DCC: variants seen among roughly 807,000 people sequenced by gnomAD.
DCC encodes netrin receptor DCC.
Under a neutral mutation model 172.5 loss-of-function variants are expected in DCC, and 58 were observed. The ratio of observed to expected loss-of-function variants is 0.34; its 90% CI spans 0.27 to 0.42. DCC has a LOEUF of 0.42. Among genes scored for constraint, DCC ranks in the 10% least tolerant of loss-of-function variants. DCC has a pLI of 1.00. For missense variants in DCC, 1,740 were observed against 1,791.0 expected, an observed-to-expected ratio of 0.97 and a Z score of 0.51; for synonymous variants, 709 against 644.5, an observed-to-expected ratio of 1.10 and a Z score of -1.52.
intron 1 of DCC, among the ~76,000 whole-genome samples, chr18:52,455,574 T>C (rs1156836690): frequency 6.6e-6 from 1 of 152,184 alleles, no homozygotes; most frequent in African/African-American, 2.4e-5. Context: ...TCCAATTCTA[T>C]GTGTTATGGC....
intron 1 of DCC, among the ~76,000 whole-genome samples, chr18:52,731,185 T>C (rs1308655103): frequency 2.0e-5 from 3 of 152,238 alleles, no homozygotes; most frequent in South Asian, 2.1e-4. Context: ...GCGCTTTGCT[T>C]GTCCTATCCT....
At chr18:52,646,945 C>T (rs2144914918) in intron 1 of DCC, among the ~76,000 whole-genome samples, 1 of 152,264 alleles carries the variant, frequency 6.6e-6, no homozygotes, top group East Asian at 1.9e-4. Flanking sequence ...AGGCCCACTC[C>T]AAGACACTTC....
chr18:52,826,331 G>A (rs1043800139), intron 2 of DCC, among the ~76,000 whole-genome samples: 1 of 152,092 alleles, frequency 6.6e-6, no homozygotes, highest in African/African-American at 2.4e-5. Flanking sequence ...GTGCCTACAC[G>A]GAGGAAAATA....
intron 1 of DCC, among the ~76,000 whole-genome samples, chr18:52,568,813 AATG>A (rs2033225538): frequency 6.6e-6 from 1 of 152,200 alleles, no homozygotes; most frequent in Non-Finnish European, 1.5e-5. Flanking sequence ...TCCACTCTAG[AATG>A]ATATTTTTTT....
intron 1 of DCC, among the ~76,000 whole-genome samples, chr18:52,494,638 T>C (rs1162400574): frequency 1.3e-5 from 2 of 152,054 alleles, no homozygotes; most frequent in Non-Finnish European, 2.9e-5. Context: ...TTAGTTATTA[T>C]GTTTTAGAGC....
intron 2 of DCC, among the ~76,000 whole-genome samples, chr18:52,879,773 C>T (rs1309229442): frequency 2.0e-5 from 3 of 152,072 alleles, no homozygotes; most frequent in Non-Finnish European, 4.4e-5. Flanking sequence ...AGCTCAAGAG[C>T]AGCCATAGAC....
chr18:52,810,789 A>C (rs1462721148), intron 2 of DCC, among the ~76,000 whole-genome samples: 2 of 152,218 alleles, frequency 1.3e-5, no homozygotes, highest in Non-Finnish European at 2.9e-5. Context: ...ATGGAAGACA[A>C]GTTCTCAATC....
At chr18:52,426,355 A>T (rs182331957) in intron 1 of DCC, among the ~76,000 whole-genome samples, 2 of 148,730 alleles carry the variant, frequency 1.3e-5, no homozygotes, top group Admixed American at 6.8e-5. Context: ...CTAAAGCTCT[A>T]CCCCATTTGA....
chr18:52,881,973 C>A (rs570799497), intron 2 of DCC, among the ~76,000 whole-genome samples: 2 of 151,890 alleles, frequency 1.3e-5, no homozygotes, highest in Non-Finnish European at 2.9e-5. Context: ...TCTTTAATTT[C>A]TTTCATTAGT....
At chr18:52,884,397 T>G (rs2039539775) in intron 2 of DCC, among the ~76,000 whole-genome samples, 1 of 152,104 alleles carries the variant, frequency 6.6e-6, no homozygotes, top group African/African-American at 2.4e-5. Context: ...TCCTTTTTTT[T>G]TTATTTCCTC....
intron 1 of DCC, among the ~76,000 whole-genome samples, chr18:52,406,515 A>T (rs951879540): frequency 6.6e-6 from 1 of 152,114 alleles, no homozygotes; most frequent in Non-Finnish European, 1.5e-5. Flanking sequence ...TACTAAGCCT[A>T]TGACAGCATT....
chr18:53,328,960 T>C (rs1013588062), intron 14 of DCC, among the ~76,000 whole-genome samples: 8 of 152,182 alleles, frequency 5.3e-5, no homozygotes, highest in African/African-American at 1.9e-4. Context: ...AGCTTTGTTG[T>C]CTACATTTAG....
At chr18:52,605,501 TGTG>T (rs2034115608) in intron 1 of DCC, among the ~76,000 whole-genome samples, 2 of 152,176 alleles carry the variant, frequency 1.3e-5, no homozygotes, top group African/African-American at 4.8e-5. Flanking sequence ...CATACAAAGA[TGTG>T]GTACTTTAGA....
chr18:52,390,862 C>T lies in DCC; in HGVS notation c.91+49984C>T, dbSNP rs188961823. ...TCATTATTACACTTCCCTCAGCATA[C>T]TACACTCTCTTATACATAGCGAACA... On this transcript the variant is annotated intron_variant, in intron 1 of 28. Coordinates refer to ENST00000442544, the MANE Select transcript of DCC (RefSeq NM_005215.4). 4.7e-4 allele frequency among the ~76,000 whole-genome samples: 71 copies of T among 152,230 alleles called. No homozygotes were observed. The East Asian group carries it at 0.012, about 26-fold the overall frequency.
At chr18:52,387,033 A>G (rs969842590) in intron 1 of DCC, among the ~76,000 whole-genome samples, 4 of 152,142 alleles carry the variant, frequency 2.6e-5, no homozygotes, top group African/African-American at 9.7e-5. Context: ...GGTGAGATGT[A>G]TGATGTTTTA....
At chr18:53,034,594 G>A (rs1330192916) in intron 5 of DCC, among the ~76,000 whole-genome samples, 1 of 151,908 alleles carries the variant, frequency 6.6e-6, no homozygotes, top group Non-Finnish European at 1.5e-5. Flanking sequence ...TAGCCTCTCA[G>A]CTGATCTCCT....
chr18:52,522,291 G>C (rs757161383), intron 1 of DCC, among the ~76,000 whole-genome samples: 3 of 152,132 alleles, frequency 2.0e-5, no homozygotes, highest in Non-Finnish European at 4.4e-5. Context: ...ATTTTGTCTA[G>C]ATCTAGATTC....
At chr18:52,964,509 G>A (rs1236709308) in intron 5 of DCC, among the ~76,000 whole-genome samples, 1 of 152,006 alleles carries the variant, frequency 6.6e-6, no homozygotes, top group South Asian at 2.1e-4. Flanking sequence ...CTATAGTTGG[G>A]TTTATTGCCA....
chr18:53,222,816 T>C (rs994082000), intron 12 of DCC, among the ~76,000 whole-genome samples: 1 of 152,186 alleles, frequency 6.6e-6, no homozygotes, highest in South Asian at 2.1e-4. Flanking sequence ...CAATTGTTTT[T>C]TCTACAAAAA....
Sources: allele counts gnomAD v4.1 joint callset (sites outside exome capture counted in the v4.1 genomes callset), GRCh38; gene constraint gnomAD v4.1.1; transcripts MANE v1.5; gene names NCBI Gene and HGNC (gene_info 2026-07-23, HGNC 2026-07-21).